VPS13A: variants seen among roughly 807,000 people sequenced by gnomAD.
VPS13A encodes intermembrane lipid transfer protein VPS13A.
Under a neutral mutation model 390.9 loss-of-function variants are expected in VPS13A, and 264 were observed. The ratio of observed to expected loss-of-function variants is 0.68; its 90% CI spans 0.61 to 0.75. The LOEUF is 0.75. Ranked by LOEUF, VPS13A falls within the 30% of genes least tolerant of loss-of-function variation. VPS13A has a pLI of 0.00. For synonymous variants in VPS13A, 1,231 were observed against 1,227.1 expected (o/e 1.00, Z -0.07); for missense variants, 3,409 against 3,733.9 (o/e 0.91, Z 2.27).
At chr9:77,361,865 T>C (rs918962814) in intron 59 of VPS13A, among the ~76,000 whole-genome samples, 1 of 152,078 alleles carries the variant, frequency 6.6e-6, no homozygotes, top group African/African-American at 2.4e-5. Context: ...AAATAGTTTG[T>C]CATTGTGGTT....
chr9:77,317,683 A>G lies in VPS13A; in HGVS notation c.4941A>G (p.Lys1647=), dbSNP rs773897331. The G allele has an allele frequency of 6.3e-7, 1 of 1,595,856 alleles. No homozygotes were observed. Among genetic ancestry groups the G allele is most frequent in the Middle Eastern group, 1.9e-4 (1 of 5,284 alleles). ...TDPQVIDMSV[K]SLTLKVSPVI... ...CACAAGTGATCGATATGTCAGTAAA[A>G]TCCCTGACACTAAAGGTAAATTAAA... Residue 1647 remains lysine (K), a synonymous_variant, in exon 40 of 72, where the codon AAA becomes AAG. Transcript: ENST00000360280.
At chr9:77,311,322 C>A (rs1829064197) in intron 35 of VPS13A, among the ~76,000 whole-genome samples, 1 of 152,086 alleles carries the variant, frequency 6.6e-6, no homozygotes, top group African/African-American at 2.4e-5. Flanking sequence ...TAAAGCAAAT[C>A]CCAGATACTA....
At chr9:77,405,581 A>G (rs1834563871) in intron 69 of VPS13A, among the ~76,000 whole-genome samples, 1 of 152,104 alleles carries the variant, frequency 6.6e-6, no homozygotes, top group Non-Finnish European at 1.5e-5. Flanking sequence ...AATATTTTCT[A>G]ATTTCCTTTG....
At chr9:77,303,439 A>C (rs897928590) in intron 34 of VPS13A, among the ~76,000 whole-genome samples, 2 of 152,096 alleles carry the variant, frequency 1.3e-5, no homozygotes, top group East Asian at 1.9e-4. Flanking sequence ...GGTGGCCTGC[A>C]CCTCCACACC....
chr9:77,269,714 A>G (rs1477161627), intron 23 of VPS13A, among the ~76,000 whole-genome samples: 2 of 152,224 alleles, frequency 1.3e-5, no homozygotes, highest in African/African-American at 4.8e-5. Flanking sequence ...TAGCTTAAGC[A>G]TCCGTTTGCT....
At chr9:77,328,122 A>G (rs978818596) in intron 45 of VPS13A, among the ~76,000 whole-genome samples, 10 of 152,212 alleles carry the variant, frequency 6.6e-5, no homozygotes, top group African/African-American at 2.4e-4. Flanking sequence ...TCAATTTGCT[A>G]CAGAATAGAT....
At chr9:77,372,814 A>T (rs1832854922) in intron 67 of VPS13A, among the ~76,000 whole-genome samples, 1 of 152,218 alleles carries the variant, frequency 6.6e-6, no homozygotes. Flanking sequence ...AATGTACAAA[A>T]ATCACAAGCA....
At chr9:77,302,368 CTTTTT>C (rs58598132) in intron 33 of VPS13A, among the ~76,000 whole-genome samples, 1 of 117,808 alleles carries the variant, frequency 8.5e-6, no homozygotes, top group Non-Finnish European at 1.7e-5. Context: ...TATTTTTCCC[CTTTTT>C]TTTTTTTTTT....
chr9:77,366,250 A>G (rs1384302967), intron 60 of VPS13A, among the ~76,000 whole-genome samples: 1 of 152,046 alleles, frequency 6.6e-6, no homozygotes, highest in Non-Finnish European at 1.5e-5. Context: ...AAATCATCTA[A>G]CACAATGCCT....
intron 22 of VPS13A, among the ~76,000 whole-genome samples, chr9:77,256,632 A>G (rs530925275): frequency 1.8e-4 from 27 of 151,886 alleles, no homozygotes; most frequent in Non-Finnish European, 4.0e-4. Context: ...CTTCTTCTTA[A>G]TTGTGTCAGT....
At position 77,208,747 on chromosome 9, in the gene VPS13A, G is replaced by A. The variant is rs60882023; in HGVS notation, c.386-676G>A. On this transcript the variant is annotated intron_variant, in intron 5 of 71. Coordinates refer to ENST00000360280, the MANE Select transcript of VPS13A (RefSeq NM_033305.3). ...ATATTTTTAATAGAGACGGGGTTTC[G>A]CCATAGTGGCCAGGTTGGTCTAAAA... 1.0e-3 allele frequency among the ~76,000 whole-genome samples: 155 copies of A among 152,096 alleles called. 1 individual carries two copies. The highest frequency in any genetic ancestry group is 3.5e-3 in the African/African-American group (145 of 41,510).
intron 10 of VPS13A, among the ~76,000 whole-genome samples, chr9:77,217,076 A>C (rs754578256): frequency 6.6e-6 from 1 of 152,194 alleles, no homozygotes; most frequent in Admixed American, 6.5e-5. Context: ...GCATCTTTCA[A>C]TACAATTGAG....
intron 44 of VPS13A, among the ~76,000 whole-genome samples, chr9:77,322,646 A>T (rs1047651080): frequency 2.0e-5 from 3 of 151,956 alleles, no homozygotes; most frequent in African/African-American, 7.2e-5. Context: ...ATAAAATTTT[A>T]TTTAATCAAG....
intron 67 of VPS13A, among the ~76,000 whole-genome samples, chr9:77,374,555 T>C (rs914087764): frequency 3.4e-4 from 52 of 152,112 alleles, no homozygotes; most frequent in Non-Finnish European, 4.9e-4. Flanking sequence ...CAATTTAAAA[T>C]GTAGGGATTG....
In VPS13A at chr9:77,254,490, T is replaced by C. The variant is rs73466051; in HGVS notation, c.2288+2138T>C. ...GGAGATGTGAGTTATTTAACTTTGT[T>C]CTTTCGATTGTCTTGGCTATTCGGG... On this transcript the variant is annotated intron_variant, in intron 22 of 71. Coordinates refer to ENST00000360280, the MANE Select transcript of VPS13A (RefSeq NM_033305.3). Among the ~76,000 whole-genome samples the C allele has an allele frequency of 7.9e-3, 1,208 of 152,332 alleles. 17 individuals carry two copies. The highest frequency in any genetic ancestry group is 0.027 in the African/African-American group (1,131 of 41,570).
intron 68 of VPS13A, among the ~76,000 whole-genome samples, chr9:77,391,415 T>C (rs1222303810): frequency 1.3e-5 from 2 of 152,230 alleles, no homozygotes; most frequent in Non-Finnish European, 2.9e-5. Flanking sequence ...ATTAGAGGCC[T>C]CTTTTCACTC....
intron 61 of VPS13A, among the ~76,000 whole-genome samples, chr9:77,367,433 TAAGA>T (rs1034749552): frequency 6.6e-6 from 1 of 152,150 alleles, no homozygotes; most frequent in Non-Finnish European, 1.5e-5. Flanking sequence ...AGAACAGTCG[TAAGA>T]ATCAATAAGT....
Position 77,369,448 on chromosome 9 carries a change from A to G in VPS13A, c.8667+36A>G, listed in dbSNP as rs769691338. ...TATTTTTGTGGTTGTGCAATATGTC[A>G]CTAATACTTTTGAATAGATAATACT... On this transcript the variant is annotated intron_variant, in intron 63 of 71. Transcript: ENST00000360280. The G allele has an allele frequency of 6.1e-6, 8 of 1,304,168 alleles. No homozygotes were observed. In the African/African-American group the frequency reaches 1.2e-4, roughly 19 times the overall value. 80.8% of individuals were successfully genotyped at this position (1,304,168 alleles called of 1,614,324 possible).
rs984617159 is a variant in VPS13A at position 77,411,438 on chromosome 9, C to T, written c.9474+3831C>T. ...CAGCACTTTGGGAGGCCGAGGCAGG[C>T]GGATCACGAGGTCAGGAGATCGACA... is the stretch of plus-strand genomic sequence containing the variant. On this transcript the variant is annotated intron_variant, in intron 71 of 71. Coordinates refer to ENST00000360280, the MANE Select transcript of VPS13A (RefSeq NM_033305.3). Among the ~76,000 whole-genome samples the T allele has an allele frequency of 3.1e-4, 47 of 151,672 alleles. No individual in the cohort carries two copies. In the South Asian group the frequency reaches 5.9e-3, roughly 19 times the overall value.
Sources: gnomAD v4.1 joint callset for allele counts (sites outside exome capture counted in the v4.1 genomes callset) on GRCh38, gnomAD v4.1.1 for gene constraint, MANE v1.5 for transcripts, NCBI Gene and HGNC (gene_info 2026-07-23, HGNC 2026-07-21) for gene names.